PSEN1: variants seen among roughly 807,000 people sequenced by gnomAD.
The protein encoded by PSEN1 is presenilin 1, also known as presenilin-1.
In PSEN1, 15 loss-of-function variants were observed where a neutral mutation model predicts 53.5. The observed-to-expected ratio is 0.28, with a 90% confidence interval of 0.19 to 0.43. The LOEUF (loss-of-function observed/expected upper bound fraction) is 0.43. PSEN1 is among the 20% of genes least tolerant of loss of function. The pLI, the probability that PSEN1 is intolerant of heterozygous loss-of-function variation, is 1.00. For synonymous variants in PSEN1, 208 were observed against 209.8 expected, an observed-to-expected ratio of 0.99 and a Z score of 0.08; for missense variants, 387 against 571.2, an observed-to-expected ratio of 0.68 and a Z score of 3.29.
At chr14:73,207,366 T>G (rs1899495839) in intron 9 of PSEN1, among the ~76,000 whole-genome samples, 1 of 150,054 alleles carries the variant, frequency 6.7e-6, no homozygotes, top group Non-Finnish European at 1.5e-5. Flanking sequence ...ACAATATAAA[T>G]AGTCTAAAAA....
At chr14:73,182,323 G>GA (rs869044994) in intron 5 of PSEN1, among the ~76,000 whole-genome samples, 155 of 140,888 alleles carry the variant, frequency 1.1e-3, no homozygotes, top group Non-Finnish European at 1.6e-3. Context: ...TCTACAAAAA[G>GA]AAAAAAAAAA....
chr14:73,162,434 C>T (rs1003027175), intron 3 of PSEN1, among the ~76,000 whole-genome samples: 1 of 144,794 alleles, frequency 6.9e-6, no homozygotes, highest in East Asian at 2.1e-4. Context: ...TTCTCTCTCT[C>T]GCTCGCTCGC....
At chr14:73,191,358 T>C (rs1566641122) in intron 6 of PSEN1, among the ~76,000 whole-genome samples, 1 of 152,142 alleles carries the variant, frequency 6.6e-6, no homozygotes, top group Admixed American at 6.6e-5. Flanking sequence ...TGTTTATATG[T>C]GTGTATTAAA....
intron 10 of PSEN1, among the ~76,000 whole-genome samples, chr14:73,213,064 C>A (rs1239392924): frequency 1.3e-5 from 2 of 152,200 alleles, no homozygotes; most frequent in African/African-American, 4.8e-5. Context: ...TCAGAACTTT[C>A]ACTGGGCATG....
At chr14:73,171,933 CAT>C (rs1399015062) in intron 4 of PSEN1, among the ~76,000 whole-genome samples, 20 of 152,202 alleles carry the variant, frequency 1.3e-4, no homozygotes, top group African/African-American at 4.3e-4. Context: ...TATCTTTTCT[CAT>C]AGCAACTTGT....
intron 3 of PSEN1, among the ~76,000 whole-genome samples, chr14:73,155,342 A>C (rs911874111): frequency 1.3e-5 from 2 of 152,208 alleles, no homozygotes; most frequent in African/African-American, 4.8e-5. Context: ...AGTTTATAGC[A>C]ATTAACTTAG....
At chr14:73,187,495 T>TA (rs1293914690) in intron 6 of PSEN1, among the ~76,000 whole-genome samples, 4 of 152,216 alleles carry the variant, frequency 2.6e-5, no homozygotes, top group Admixed American at 6.5e-5. Flanking sequence ...ATTGGAGAGT[T>TA]ATTTCTTTGG....
At chr14:73,144,272 C>T (rs2140499753) in intron 1 of PSEN1, among the ~76,000 whole-genome samples, 1 of 152,040 alleles carries the variant, frequency 6.6e-6, no homozygotes, top group African/African-American at 2.4e-5. Flanking sequence ...GAACTCCTGA[C>T]CTTGTGATCT....
chr14:73,176,982 G>A (rs745620212), intron 5 of PSEN1, among the ~76,000 whole-genome samples: 19 of 151,996 alleles, frequency 1.3e-4, no homozygotes, highest in Non-Finnish European at 2.5e-4. Context: ...TTTTTCCTTT[G>A]GTCGTATCTG....
chr14:73,219,220 C>T lies in PSEN1; in HGVS notation c.1335C>T (p.Phe445=). The part of the protein sequence containing the change: ...LPISITFGLV[F]YFATDYLVQP... ...TCTCCATCACCTTTGGGCTTGTTTTCTACTTTGCCACAGATTATCTTGTAC... is the reference window on the plus strand; with the variant it reads ...TCTCCATCACCTTTGGGCTTGTTTTTTACTTTGCCACAGATTATCTTGTAC... The change falls in exon 12 of 12, where the codon TTC becomes TTT. Residue 445 remains phenylalanine, a synonymous_variant. Coordinates refer to ENST00000324501, the MANE Select transcript of PSEN1 (RefSeq NM_000021.4). 6.2e-7 allele frequency: 1 copy of T among 1,613,730 alleles called. No individual in the cohort carries two copies. The highest frequency in any genetic ancestry group is 8.5e-7 in the Non-Finnish European group (1 of 1,179,636).
chr14:73,203,583 T>C (rs1899320233), intron 8 of PSEN1, among the ~76,000 whole-genome samples: 1 of 152,232 alleles, frequency 6.6e-6, no homozygotes, highest in African/African-American at 2.4e-5. Flanking sequence ...AATTCTTTCA[T>C]GCATTTTAAT....
chr14:73,190,809 A>T (rs758230211), intron 6 of PSEN1, among the ~76,000 whole-genome samples: 1 of 152,194 alleles, frequency 6.6e-6, no homozygotes, highest in African/African-American at 2.4e-5. Context: ...TGTGAATTTT[A>T]TATCTTATTC....
chr14:73,165,385 G>A (rs553797300), intron 3 of PSEN1, among the ~76,000 whole-genome samples: 9 of 152,138 alleles, frequency 5.9e-5, no homozygotes, highest in Admixed American at 1.3e-4. Flanking sequence ...ATTCTCCTGC[G>A]TTAGCCTCCT....
intron 4 of PSEN1, 132 bp from the exon 5 acceptor site, chr14:73,173,434 G>A (rs1158035629): frequency 3.4e-6 from 3 of 872,236 alleles, no homozygotes; most frequent in African/African-American, 3.3e-5. Context: ...AGCTAGATTG[G>A]TGAGTTGGGG....
intron 4 of PSEN1, among the ~76,000 whole-genome samples, chr14:73,172,365 G>C (rs1241584469): frequency 1.3e-5 from 2 of 152,238 alleles, no homozygotes; most frequent in Non-Finnish European, 2.9e-5. Flanking sequence ...AGCAGGTGAA[G>C]GGCAGGGGTT....
chr14:73,158,959 G>C (rs1304811823), intron 3 of PSEN1, among the ~76,000 whole-genome samples: 1 of 152,106 alleles, frequency 6.6e-6, no homozygotes, highest in East Asian at 1.9e-4. Context: ...TTTCTCTATT[G>C]AGTAATGATG....
intron 9 of PSEN1, among the ~76,000 whole-genome samples, chr14:73,211,273 GC>G (rs1249986609): frequency 6.6e-6 from 1 of 152,194 alleles, no homozygotes; most frequent in Non-Finnish European, 1.5e-5. Context: ...TTGGTCTTCA[GC>G]CCACTGCTCT....
At chr14:73,165,175 T>TG (rs1421375837) in intron 3 of PSEN1, among the ~76,000 whole-genome samples, 3 of 152,130 alleles carry the variant, frequency 2.0e-5, no homozygotes, top group African/African-American at 7.2e-5. Flanking sequence ...AGGCTGGTCT[T>TG]GAACTCCTGA....
intron 9 of PSEN1, among the ~76,000 whole-genome samples, chr14:73,211,506 T>TGCTTG (rs1899678489): frequency 6.6e-6 from 1 of 152,132 alleles, no homozygotes; most frequent in African/African-American, 2.4e-5. Context: ...GGGATTACCG[T>TGCTTG]GCTTGGCTTG....
Sources: gnomAD v4.1 joint callset for allele counts (sites outside exome capture counted in the v4.1 genomes callset) on GRCh38, gnomAD v4.1.1 for gene constraint, MANE v1.5 for transcripts, NCBI Gene and HGNC (gene_info 2026-07-23, HGNC 2026-07-21) for gene names.